The following TIA1 variants were observed in gnomAD, a reference collection of about 807,000 sequenced individuals.
The protein encoded by TIA1 is cytotoxic granule associated RNA binding protein TIA1.
TIA1 carries 23 observed loss-of-function variants against 65.9 expected under a neutral mutation model. The ratio of observed to expected loss-of-function variants is 0.35; its 90% CI spans 0.25 to 0.49. TIA1 has a LOEUF of 0.49. Among genes scored for constraint, TIA1 ranks in the 20% least tolerant of loss-of-function variants. TIA1 has a pLI of 0.98. For synonymous variants in TIA1, 147 were observed against 149.4 expected, an observed-to-expected ratio of 0.98 and a Z score of 0.12; for missense variants, 371 against 477.9, an observed-to-expected ratio of 0.78 and a Z score of 2.09.
chr2:70,236,055 G>A (rs1688768566), intron 2 of TIA1, 24 bp downstream of exon 2: 5 of 1,403,356 alleles, frequency 3.6e-6, no homozygotes, highest in Non-Finnish European at 4.9e-6. Flanking sequence ...AAAGAATAAA[G>A]TTAACTAAGT....
At chr2:70,233,174 T>C (rs2706767) in intron 2 of TIA1, among the ~76,000 whole-genome samples, 66,343 of 151,950 alleles carry the variant, frequency 0.44, 16,939 homozygotes, top group African/African-American at 0.72. Flanking sequence ...TCTTGTTATG[T>C]TGCCCAGGCT....
rs772392394 is a variant in TIA1, at chr2:70,217,031, CTAT to C, written c.475-40_475-38del. On this transcript the variant is annotated intron_variant, in intron 7 of 12. Transcript: ENST00000433529. Reference sequence around the variant, plus strand: ...AACATTAGAAACAATAAAGAAGTCACTATTAGTTGATGTTAAACAACTCTTAGC... The same window carrying C: ...AACATTAGAAACAATAAAGAAGTCACTAGTTGATGTTAAACAACTCTTAGC... The C allele has an allele frequency of 2.6e-6, 4 of 1,566,672 alleles. No homozygotes were observed. In the South Asian group the frequency reaches 4.9e-5, roughly 19 times the overall value.
chr2:70,246,010 A>G (rs1694147918), intron 1 of TIA1, among the ~76,000 whole-genome samples: 7 of 137,244 alleles, frequency 5.1e-5, no homozygotes, highest in Admixed American at 4.5e-4. Flanking sequence ...TGCAACCTCC[A>G]CCTCCCGGGT....
Position 70,241,658 on chromosome 2 carries a change from G to A in TIA1, c.27-5483C>T, listed in dbSNP as rs186909418. On this transcript the variant is annotated intron_variant, in intron 1 of 12. Transcript: ENST00000433529. The stretch of plus-strand genomic sequence containing the variant: ...AGAAACAGTACCCTTCCAAAGTGTC[G>A]GTAGGGTGTGGTGGCTCACACCTGT... 1.6e-4 allele frequency among the ~76,000 whole-genome samples: 24 copies of A among 151,938 alleles called. No homozygotes were observed. The East Asian group carries it at 3.9e-3, about 25-fold the overall frequency.
chr2:70,209,774 C>A lies in TIA1; in HGVS notation c.*2945G>T, dbSNP rs1202934311. On this transcript the variant is annotated 3_prime_UTR_variant, in exon 13 of 13. Coordinates refer to ENST00000433529, the MANE Select transcript of TIA1 (RefSeq NM_022173.4). ...CACTCTCATTTGAAAGGTTTGCTTT[C>A]TTATTTCCTGTAAGTACATTTCGTT... 1.0e-5 allele frequency: 4 copies of A among 398,096 alleles called. No individual in the cohort carries two copies. Among genetic ancestry groups the A allele is most frequent in the Non-Finnish European group, 1.8e-5 (4 of 225,892 alleles). The allele number at this position is 398,096 out of a possible 1,614,324, so 24.7% of individuals were successfully genotyped here.
intron 8 of TIA1, 142 bp downstream of exon 8, chr2:70,216,744 A>G: frequency 6.3e-7 from 1 of 1,584,718 alleles, no homozygotes; most frequent in African/African-American, 1.3e-5. Flanking sequence ...AAAAATGAAA[A>G]CTAAGTACAT....
chr2:70,225,553 A>G (rs1295413393), intron 6 of TIA1, among the ~76,000 whole-genome samples: 5 of 152,374 alleles, frequency 3.3e-5, no homozygotes, highest in Admixed American at 1.3e-4. Context: ...CTCAGGACAC[A>G]TGAACAAAAC....
chr2:70,230,133 C>A (rs1310144773), intron 3 of TIA1, among the ~76,000 whole-genome samples: 3 of 151,000 alleles, frequency 2.0e-5, no homozygotes, highest in Admixed American at 6.6e-5. Flanking sequence ...GTCCCAGCTA[C>A]TCCAGAGGCT....
chr2:70,229,243 A>G, intron 4 of TIA1, 21 bp downstream of exon 4: 6 of 1,613,592 alleles, frequency 3.7e-6, no homozygotes, highest in Non-Finnish European at 5.1e-6. Context: ...CAAATGTTCA[A>G]AGAGCATAAA....
In TIA1 at chr2:70,212,852, G is replaced by A. The variant is rs202093855; in HGVS notation, c.1035-7C>T. The A allele has an allele frequency of 5.9e-5, 95 of 1,605,448 alleles. No homozygotes were observed. Among genetic ancestry groups the A allele is most frequent in the Non-Finnish European group, 7.4e-5 (87 of 1,172,352 alleles). On this transcript the variant is annotated splice_region_variant and splice_polypyrimidine_tract_variant and intron_variant, in intron 12 of 12. Coordinates refer to ENST00000433529, the MANE Select transcript of TIA1 (RefSeq NM_022173.4). ...TGCAGAAGACTGTGTCTGACTGGTGGAGAATGTGAAAGAAGCAGAGGGGAG... is the reference window on the plus strand; with the variant it reads ...TGCAGAAGACTGTGTCTGACTGGTGAAGAATGTGAAAGAAGCAGAGGGGAG...
chr2:70,239,654 A>G (rs146705673), intron 1 of TIA1, among the ~76,000 whole-genome samples: 2 of 152,328 alleles, frequency 1.3e-5, no homozygotes, highest in African/African-American at 2.4e-5. Flanking sequence ...ACAAACACAT[A>G]TTGAGTGCTT....
rs769573516 is a variant in TIA1, at chr2:70,224,536, A to ACTT, written c.474+15_474+17dup. On this transcript the variant is annotated intron_variant, in intron 7 of 12. Coordinates refer to ENST00000433529, the MANE Select transcript of TIA1 (RefSeq NM_022173.4). ...TTTACTCTTTAAGCATTATCCATGC[A>ACTT]CTTCTCACTGAGCTCACCCATTTGT... 43 of 1,613,920 alleles carry ACTT rather than the reference A, an allele frequency of 2.7e-5. No individual in the cohort carries two copies. The South Asian group carries it at 4.3e-4, about 16-fold the overall frequency.
chr2:70,247,756 T>C (rs762480029), intron 1 of TIA1, among the ~76,000 whole-genome samples: 15 of 152,178 alleles, frequency 9.9e-5, no homozygotes, highest in Non-Finnish European at 2.1e-4. Flanking sequence ...AATTGATATA[T>C]TCCTTCTGGG....
At position 70,244,005 on chromosome 2, in the gene TIA1, A is replaced by G. The variant is rs1693066350; in HGVS notation, c.26+4400T>C. Among the ~76,000 whole-genome samples, 3 of 152,206 alleles carry G rather than the reference A, an allele frequency of 2.0e-5. No homozygotes were observed. The South Asian group carries it at 6.2e-4, about 32-fold the overall frequency. ...CAGCTTCCATTCCTACTCAGATAAG[A>G]TAGCCCTCATAAGGATCCGTATGAT... is the stretch of plus-strand genomic sequence containing the variant. On this transcript the variant is annotated intron_variant, in intron 1 of 12. Coordinates refer to ENST00000433529, the MANE Select transcript of TIA1 (RefSeq NM_022173.4).
upstream of TIA1, chr2:70,248,744 T>C (rs923097983): frequency 7.5e-6 from 3 of 399,340 alleles, no homozygotes; most frequent in African/African-American, 4.1e-5. Flanking sequence ...GGTTCACTTG[T>C]TGCGCAGCCG....
chr2:70,215,143 G>C, intron 11 of TIA1: 1 of 512,982 alleles, frequency 1.9e-6, no homozygotes, highest in Non-Finnish European at 3.4e-6. Context: ...GTTTCTCGGA[G>C]CATTTTAAAA....
intron 7 of TIA1, 112 bp from the exon 8 acceptor site, chr2:70,217,106 TC>T: frequency 9.5e-7 from 1 of 1,050,292 alleles, no homozygotes. Context: ...GTGAAAATGC[TC>T]TATGAAATAC....
chr2:70,214,587 G>A (rs1234521193), intron 11 of TIA1, 93 bp from the exon 12 acceptor site: 4 of 931,994 alleles, frequency 4.3e-6, no homozygotes, highest in Non-Finnish European at 5.7e-6. Flanking sequence ...AACACACAGG[G>A]CCATCATTAC....
At chr2:70,232,221 A>AG (rs1464960079) in intron 2 of TIA1, among the ~76,000 whole-genome samples, 1 of 147,432 alleles carries the variant, frequency 6.8e-6, no homozygotes, top group Non-Finnish European at 1.5e-5. Flanking sequence ...AAAAAAAAAA[A>AG]AAAAGAAAAA....
Sources: allele counts gnomAD v4.1 joint callset (sites outside exome capture counted in the v4.1 genomes callset), GRCh38; gene constraint gnomAD v4.1.1; transcripts MANE v1.5; gene names NCBI Gene and HGNC (gene_info 2026-07-23, HGNC 2026-07-21).